The following GRM1 variants were observed in gnomAD, a reference collection of about 807,000 sequenced individuals.
GRM1 encodes glutamate metabotropic receptor 1, also known as metabotropic glutamate receptor 1.
In GRM1, 33 loss-of-function variants were observed where a neutral mutation model predicts 90.9. The ratio of observed to expected loss-of-function variants is 0.36; its 90% CI spans 0.28 to 0.49. The LOEUF is 0.49. Among genes scored for constraint, GRM1 ranks in the 20% least tolerant of loss-of-function variants. The probability of loss-of-function intolerance (pLI) is 0.99; values close to 1 mark genes in which losing one functional copy is unlikely to be tolerated. For missense variants in GRM1, 1,190 were observed against 1,534.3 expected, an observed-to-expected ratio of 0.78 and a Z score of 3.75; for synonymous variants, 700 against 613.2, an observed-to-expected ratio of 1.14 and a Z score of -2.09.
intron 4 of GRM1, among the ~76,000 whole-genome samples, chr6:146,354,626 T>C (rs147233887): frequency 3.9e-5 from 6 of 152,316 alleles, no homozygotes; most frequent in Non-Finnish European, 8.8e-5. Flanking sequence ...TTTCAATTTC[T>C]GTTTCAAAAA....
intron 2 of GRM1, among the ~76,000 whole-genome samples, chr6:146,169,662 C>T (rs1335093855): frequency 6.6e-6 from 1 of 152,152 alleles, no homozygotes; most frequent in African/African-American, 2.4e-5. Context: ...TGAATTTCCC[C>T]CGCCCTGTTC....
At chr6:146,213,504 A>G (rs1368153021) in intron 2 of GRM1, among the ~76,000 whole-genome samples, 3 of 152,184 alleles carry the variant, frequency 2.0e-5, no homozygotes, top group Admixed American at 6.5e-5. Context: ...TGGATGTTTC[A>G]ATTTTACACA....
chr6:146,232,931 T>C (rs533244955), intron 2 of GRM1, among the ~76,000 whole-genome samples: 1 of 151,986 alleles, frequency 6.6e-6, no homozygotes, highest in African/African-American at 2.4e-5. Context: ...TAGCATTCCT[T>C]ATTAAACTTT....
Position 146,106,516 on chromosome 6 carries a change from A to G in GRM1, c.701-52832A>G, listed in dbSNP as rs570577248. ...AGGAAAGTTATCCTCTTTGAACAGT[A>G]GTGTCCCACGTGACACATCATAAAA... On this transcript the variant is annotated intron_variant, in intron 1 of 7. Coordinates refer to ENST00000282753, the MANE Select transcript of GRM1 (RefSeq NM_001278064.2). Among the ~76,000 whole-genome samples, 22 of 152,332 alleles carry G rather than the reference A, an allele frequency of 1.4e-4. No homozygotes were observed. In the South Asian group the frequency reaches 4.6e-3, roughly 32 times the overall value.
chr6:146,310,734 CT>C (rs1783743292), intron 3 of GRM1, among the ~76,000 whole-genome samples: 1 of 152,142 alleles, frequency 6.6e-6, no homozygotes, highest in South Asian at 2.1e-4. Flanking sequence ...TTGAATTTAT[CT>C]GGTAGAAGAT....
chr6:146,326,499 A>T (rs1784405168), intron 3 of GRM1, among the ~76,000 whole-genome samples: 1 of 152,136 alleles, frequency 6.6e-6, no homozygotes, highest in Admixed American at 6.5e-5. Flanking sequence ...CACTAGGCTT[A>T]ATACCTGGCT....
intron 1 of GRM1, among the ~76,000 whole-genome samples, chr6:146,142,139 C>T (rs1005337832): frequency 5.3e-5 from 8 of 152,174 alleles, no homozygotes; most frequent in Admixed American, 2.0e-4. Context: ...CTGTAGCTCC[C>T]GTATAAGTAC....
At chr6:146,155,754 C>T (rs1306989518) in intron 1 of GRM1, among the ~76,000 whole-genome samples, 3 of 152,180 alleles carry the variant, frequency 2.0e-5, no homozygotes, top group Non-Finnish European at 2.9e-5. Flanking sequence ...TCCAATTTCT[C>T]CAACTTCATC....
chr6:146,181,820 G>T (rs1234183756), intron 2 of GRM1, among the ~76,000 whole-genome samples: 1 of 152,022 alleles, frequency 6.6e-6, no homozygotes, highest in Non-Finnish European at 1.5e-5. Flanking sequence ...GGATCAGAAT[G>T]ATTAACAATG....
rs1368789101 is a variant in GRM1 at position 146,029,221 on chromosome 6, C to G, written c.-297C>G. 2.1e-6 allele frequency: 1 copy of G among 470,314 alleles called. No individual in the cohort carries two copies. Among genetic ancestry groups the G allele is most frequent in the South Asian group, 2.2e-5 (1 of 46,160 alleles). 29.1% of individuals were successfully genotyped at this position (470,314 alleles called of 1,614,324 possible). On this transcript the variant is annotated 5_prime_UTR_variant, in exon 1 of 8. Coordinates refer to ENST00000282753, the MANE Select transcript of GRM1 (RefSeq NM_001278064.2). ...AGCATCTAGCTCACCGCTGCCAACA[C>G]GACTTCCACTGTACTCTTGATCAAT...
At chr6:146,093,434 C>A (rs188809999) in intron 1 of GRM1, among the ~76,000 whole-genome samples, 8 of 152,180 alleles carry the variant, frequency 5.3e-5, no homozygotes, top group Admixed American at 5.2e-4. Context: ...TGTGAGTACA[C>A]TGGATTTTAC....
intron 2 of GRM1, among the ~76,000 whole-genome samples, chr6:146,174,803 C>T (rs1778276209): frequency 6.6e-6 from 1 of 152,132 alleles, no homozygotes; most frequent in African/African-American, 2.4e-5. Flanking sequence ...GGTTTTCATC[C>T]ATCCAAAATC....
intron 1 of GRM1, among the ~76,000 whole-genome samples, chr6:146,106,421 G>T (rs1476045458): frequency 2.0e-5 from 3 of 152,146 alleles, no homozygotes; most frequent in Non-Finnish European, 2.9e-5. Flanking sequence ...TAAAGGTGGT[G>T]GGCCCCAGAC....
chr6:146,356,213 C>T (rs1785576928), intron 4 of GRM1, among the ~76,000 whole-genome samples: 1 of 152,100 alleles, frequency 6.6e-6, no homozygotes, highest in South Asian at 2.1e-4. Context: ...TGAAATCATG[C>T]TATTGACTTA....
chr6:146,181,179 C>T (rs528339266), intron 2 of GRM1, among the ~76,000 whole-genome samples: 17 of 151,516 alleles, frequency 1.1e-4, no homozygotes, highest in Non-Finnish European at 1.6e-4. Flanking sequence ...GCTGTGAATA[C>T]GAAATGAACT....
At chr6:146,410,121 A>G (rs9497539) in intron 7 of GRM1, among the ~76,000 whole-genome samples, 2,398 of 152,326 alleles carry the variant, frequency 0.016, 81 homozygotes, top group African/African-American at 0.055. Flanking sequence ...AAAGTACATT[A>G]AAAGAAATTA....
At chr6:146,055,234 A>G (rs1039894784) in intron 1 of GRM1, among the ~76,000 whole-genome samples, 11 of 152,102 alleles carry the variant, frequency 7.2e-5, no homozygotes, top group African/African-American at 2.7e-4. Context: ...GATGAGTGGT[A>G]TTTAGATGTG....
At chr6:146,179,464 G>T (rs183499080) in intron 2 of GRM1, among the ~76,000 whole-genome samples, 1 of 152,178 alleles carries the variant, frequency 6.6e-6, no homozygotes, top group African/African-American at 2.4e-5. Flanking sequence ...CTGTTGTTTA[G>T]ATTGTAGAGT....
Position 146,029,137 on chromosome 6 carries a change from G to C in GRM1, c.-381G>C, listed in dbSNP as rs1171574425. 1 of 336,900 alleles carries C rather than the reference G, an allele frequency of 3.0e-6. No homozygotes were observed. Among genetic ancestry groups the C allele is most frequent in the Non-Finnish European group, 5.7e-6 (1 of 175,420 alleles). The allele number at this position is 336,900 out of a possible 1,614,324, so 20.9% of individuals were successfully genotyped here. On this transcript the variant is annotated 5_prime_UTR_variant, in exon 1 of 8. Coordinates refer to ENST00000282753, the MANE Select transcript of GRM1 (RefSeq NM_001278064.2). Reference sequence around the variant, plus strand: ...GCAACTGTTAACATTATAGACCCCAGAGTTTTAACACAGGTCCTCTGATGA... The same window carrying C: ...GCAACTGTTAACATTATAGACCCCACAGTTTTAACACAGGTCCTCTGATGA...
Sources: allele counts gnomAD v4.1 joint callset (sites outside exome capture counted in the v4.1 genomes callset), GRCh38; gene constraint gnomAD v4.1.1; transcripts MANE v1.5; gene names NCBI Gene and HGNC (gene_info 2026-07-23, HGNC 2026-07-21).